Variants in EHMT1 observed in about 807,000 individuals in gnomAD.
The protein encoded by EHMT1 is euchromatic histone lysine methyltransferase 1, also known as histone-lysine N-methyltransferase EHMT1.
In EHMT1, 15 loss-of-function variants were observed where a neutral mutation model predicts 147.2. The observed-to-expected ratio is 0.10, with a 90% CI of 0.07 to 0.16. EHMT1 has a LOEUF of 0.16. Ranked by LOEUF, EHMT1 falls within the 10% of genes least tolerant of loss-of-function variation. EHMT1 has a pLI of 1.00. For missense variants in EHMT1, 1,587 were observed against 1,772.4 expected (o/e 0.90, Z 1.88); for synonymous variants, 795 against 709.6 (o/e 1.12, Z -1.91).
rs1280338725 is a variant in EHMT1 at position 137,728,326 on chromosome 9, T to C, written c.643-23T>C. On this transcript the variant is annotated intron_variant, in intron 3 of 26. Transcript: ENST00000460843. ...GACCACCTGCTTATGCAGTTATAGT[T>C]ATTCACTGTCTTTGTTTTGAAGCAT... 2.5e-6 allele frequency: 4 copies of C among 1,614,082 alleles called. No individual in the cohort carries two copies. In the African/African-American group the frequency reaches 5.3e-5, roughly 22 times the overall value.
rs192183022 is a variant in EHMT1 at position 137,791,878 on chromosome 9, C to T, written c.2505+908C>T. 3.3e-3 allele frequency among the ~76,000 whole-genome samples: 497 copies of T among 152,208 alleles called. 4 individuals carry two copies. The highest frequency in any genetic ancestry group is 0.012 in the African/African-American group (482 of 41,526). On this transcript the variant is annotated intron_variant, in intron 16 of 26. Coordinates refer to ENST00000460843, the MANE Select transcript of EHMT1 (RefSeq NM_024757.5). Reference sequence around the variant, plus strand: ...TCCCTAGTAGCTGAGATTACAGGCACGCACCACCATGCCTGGCTAATTTTT... The same window carrying T: ...TCCCTAGTAGCTGAGATTACAGGCATGCACCACCATGCCTGGCTAATTTTT...
At chr9:137,624,092 T>G (rs1452463009) in intron 1 of EHMT1, among the ~76,000 whole-genome samples, 1 of 151,126 alleles carries the variant, frequency 6.6e-6, no homozygotes, top group Non-Finnish European at 1.5e-5. Context: ...CTCCGTCTCC[T>G]GGGCTCAAGT....
In EHMT1 at chr9:137,815,137, C is replaced by A. The variant is rs372721180; in HGVS notation, c.3258+629C>A. ...CCAGCATGGCCTGGGTAAAGAGACG[C>A]GAGCAGGGAGAGGCAACAGGCGTCC... On this transcript the variant is annotated intron_variant, in intron 22 of 26. Transcript: ENST00000460843. Among the ~76,000 whole-genome samples the A allele has an allele frequency of 1.2e-4, 18 of 152,076 alleles. No homozygotes were observed. In the East Asian group the frequency reaches 3.5e-3, roughly 30 times the overall value.
intron 1 of EHMT1, among the ~76,000 whole-genome samples, chr9:137,663,732 C>G (rs932222270): frequency 1.9e-4 from 29 of 152,258 alleles, no homozygotes; most frequent in African/African-American, 6.5e-4. Context: ...TTTTCTTACC[C>G]TCTGCAAGGG....
chr9:137,802,733 C>G, intron 18 of EHMT1: 1 of 1,062,790 alleles, frequency 9.4e-7, no homozygotes, highest in Non-Finnish European at 1.2e-6. Context: ...TGCAGGCACG[C>G]AGGCCTCTCT....
chr9:137,812,757 A>G (rs1238987386), intron 19 of EHMT1, among the ~76,000 whole-genome samples: 2 of 152,104 alleles, frequency 1.3e-5, no homozygotes, highest in African/African-American at 4.8e-5. Flanking sequence ...TGGATTTTAC[A>G]CTCTTCCTGC....
chr9:137,681,141 C>T (rs1366495365), intron 1 of EHMT1, among the ~76,000 whole-genome samples: 3 of 152,182 alleles, frequency 2.0e-5, no homozygotes, highest in African/African-American at 7.2e-5. Context: ...ATTCCCAGCA[C>T]ATTGGAAAGT....
intron 1 of EHMT1, among the ~76,000 whole-genome samples, chr9:137,680,506 A>G (rs1024623363): frequency 5.3e-5 from 8 of 152,210 alleles, no homozygotes; most frequent in African/African-American, 1.9e-4. Context: ...CATAATTTGC[A>G]TGGAAATAAA....
At chr9:137,669,210 C>T (rs1008475155) in intron 1 of EHMT1, among the ~76,000 whole-genome samples, 3 of 152,050 alleles carry the variant, frequency 2.0e-5, no homozygotes, top group African/African-American at 7.3e-5. Context: ...TTGATGTATC[C>T]TTCATGTCTC....
At chr9:137,814,306 G>T (rs75767128) in intron 21 of EHMT1, 125 bp from the exon 22 acceptor site, 1 of 998,536 alleles carries the variant, frequency 1.0e-6, no homozygotes, top group Non-Finnish European at 1.6e-6. Context: ...ACACACTCAC[G>T]TGGTGCCTTT....
In EHMT1 at chr9:137,619,056, A is replaced by G; in HGVS notation, c.21+7A>G. On this transcript the variant is annotated splice_region_variant and intron_variant, in intron 1 of 26. Coordinates refer to ENST00000460843, the MANE Select transcript of EHMT1 (RefSeq NM_024757.5). ...GGCCGCCGCCGATGCCGAGGTGAGCAGCGGGGCCGGCGGGGGGCGGCGCGG... is the reference window on the plus strand; with the variant it reads ...GGCCGCCGCCGATGCCGAGGTGAGCGGCGGGGCCGGCGGGGGGCGGCGCGG... 1 of 927,590 alleles carries G rather than the reference A, an allele frequency of 1.1e-6. No homozygotes were observed. Among genetic ancestry groups the G allele is most frequent in the Non-Finnish European group, 1.3e-6 (1 of 780,318 alleles). 57.5% of individuals were successfully genotyped at this position (927,590 alleles called of 1,614,324 possible).
At chr9:137,788,168 C>T (rs1952151583) in intron 15 of EHMT1, 2 of 775,676 alleles carry the variant, frequency 2.6e-6, no homozygotes, top group South Asian at 2.3e-5. Flanking sequence ...CCCCACTGCA[C>T]CCCGTACCTG....
chr9:137,699,548 G>T (rs558571937), intron 1 of EHMT1, among the ~76,000 whole-genome samples: 1 of 152,038 alleles, frequency 6.6e-6, no homozygotes, highest in African/African-American at 2.4e-5. Flanking sequence ...ATTGCCATGC[G>T]CCTATAATCC....
At chr9:137,709,078 C>T (rs1944477842) in intron 1 of EHMT1, among the ~76,000 whole-genome samples, 1 of 152,222 alleles carries the variant, frequency 6.6e-6, no homozygotes, top group African/African-American at 2.4e-5. Context: ...GTGTCCTGAC[C>T]TGGTCGATGC....
rs749994238 is a variant in EHMT1 at position 137,732,955 on chromosome 9, T to G, written c.823+4426T>G. Among the ~76,000 whole-genome samples, 5 of 152,160 alleles carry G rather than the reference T, an allele frequency of 3.3e-5. No individual in the cohort carries two copies. Among genetic ancestry groups the G allele is most frequent in the Non-Finnish European group, 5.9e-5 (4 of 68,034 alleles). ...CTTTCCCTCCTGCTACCCCCTTAAG[T>G]TTACCACAGGCAGGAAAGAAGAGCA... On this transcript the variant is annotated intron_variant, in intron 4 of 26. Coordinates refer to ENST00000460843, the MANE Select transcript of EHMT1 (RefSeq NM_024757.5). This position sits in a 1 kb window ranked among gnomAD's most constrained non-coding sequence, Gnocchi z 4.6.
intron 8 of EHMT1, among the ~76,000 whole-genome samples, chr9:137,757,650 C>T (rs751245696): frequency 1.2e-4 from 18 of 152,126 alleles, no homozygotes; most frequent in Admixed American, 2.0e-4. Context: ...CTTCTCTCCT[C>T]CCCCATGAAT....
chr9:137,830,111 T>G (rs1564838272), intron 25 of EHMT1, among the ~76,000 whole-genome samples: 2 of 151,576 alleles, frequency 1.3e-5, no homozygotes, highest in East Asian at 1.9e-4. Flanking sequence ...TTTTTTTTTT[T>G]GTTTACATTT....
At chr9:137,643,507 C>T (rs1034110136) in intron 1 of EHMT1, among the ~76,000 whole-genome samples, 6 of 152,058 alleles carry the variant, frequency 3.9e-5, no homozygotes, top group African/African-American at 1.2e-4. Context: ...TGCCATCACG[C>T]CTGGCTAATT....
At position 137,834,478 on chromosome 9, in the gene EHMT1, A is replaced by C. The variant is rs892250040; in HGVS notation, c.3670A>C (p.Ile1224Leu). 6.2e-7 allele frequency: 1 copy of C among 1,612,506 alleles called. No homozygotes were observed. ...MAHQDLRFPR[I>L]AFFSTRLIEA... ...CCACCAGGACCTGCGGTTCCCCCGG[A>C]TCGCCTTCTTCAGCACCCGCCTGAT... is the stretch of plus-strand genomic sequence containing the variant. Residue 1224 changes from isoleucine to leucine, a missense_variant, in exon 26 of 27, where the codon ATC becomes CTC. This residue lies in a region of EHMT1 where 141 missense variants were observed against 150.8 expected (regional missense o/e 0.94). Transcript: ENST00000460843.
Sources: gnomAD v4.1 joint callset for allele counts (sites outside exome capture counted in the v4.1 genomes callset) on GRCh38, gnomAD v4.1.1 for gene constraint, gnomAD v4.1.1 regional missense constraint, Gnocchi (gnomAD v3.1) non-coding constraint, MANE v1.5 for transcripts, NCBI Gene and HGNC (gene_info 2026-07-23, HGNC 2026-07-21) for gene names.